Variants in CDKL2 observed in about 807,000 individuals in gnomAD.
CDKL2 encodes the protein cyclin-dependent kinase-like 2.
In CDKL2, 64 loss-of-function variants were observed where a neutral mutation model predicts 63.9. That is an observed-to-expected ratio of 1.00 (90% CI 0.82 to 1.23). CDKL2 has a LOEUF of 1.23. Ranked by LOEUF, CDKL2 falls within the 50% of genes most tolerant of loss-of-function variation. CDKL2 has a pLI of 0.00. For missense variants in CDKL2, 656 were observed against 668.0 expected (o/e 0.98, Z 0.20); for synonymous variants, 211 against 229.2 (o/e 0.92, Z 0.72).
At chr4:75,623,243 C>T (rs1730249336) in intron 2 of CDKL2, among the ~76,000 whole-genome samples, 1 of 152,078 alleles carries the variant, frequency 6.6e-6, no homozygotes, top group South Asian at 2.1e-4. Context: ...CATGCCACTG[C>T]ACTGCAGCCC....
chr4:75,589,869 C>T (rs1296042042), intron 12 of CDKL2, among the ~76,000 whole-genome samples: 1 of 152,046 alleles, frequency 6.6e-6, no homozygotes, highest in African/African-American at 2.4e-5. Flanking sequence ...GTAGTCCCAG[C>T]TCCTTGGGAG....
chr4:75,593,939 G>C (rs567466430), intron 10 of CDKL2, among the ~76,000 whole-genome samples: 380 of 152,026 alleles, frequency 2.5e-3, no homozygotes, highest in Non-Finnish European at 4.6e-3. Flanking sequence ...GTTGTGAAAA[G>C]CATTCATTCA....
chr4:75,628,439 T>C (rs1730534844), intron 1 of CDKL2, among the ~76,000 whole-genome samples: 1 of 152,184 alleles, frequency 6.6e-6, no homozygotes, highest in African/African-American at 2.4e-5. Flanking sequence ...TCATATTATA[T>C]GACATTTTCT....
chr4:75,608,826 T>C (rs1384470921), intron 3 of CDKL2, among the ~76,000 whole-genome samples: 1 of 151,910 alleles, frequency 6.6e-6, no homozygotes, highest in African/African-American at 2.4e-5. Flanking sequence ...AAACCTTGTC[T>C]TTACTAAAAT....
intron 10 of CDKL2, among the ~76,000 whole-genome samples, chr4:75,592,498 G>C (rs1419595832): frequency 1.3e-5 from 2 of 152,126 alleles, no homozygotes; most frequent in African/African-American, 4.8e-5. Context: ...AGTGCTATGA[G>C]TTTCTCCTTC....
In CDKL2 at chr4:75,602,875, G is replaced by A. The variant is rs547829850; in HGVS notation, c.795+942C>T. 1.6e-3 allele frequency among the ~76,000 whole-genome samples: 248 copies of A among 151,564 alleles called. 1 individual carries two copies. Among genetic ancestry groups the A allele is most frequent in the African/African-American group, 5.8e-3 (241 of 41,292 alleles). The stretch of plus-strand genomic sequence containing the variant: ...ATTTTCTTTTCCATTTAAACAAGGC[G>A]TGTATTTTAAATGTTAAACGTAAAA... On this transcript the variant is annotated intron_variant, in intron 6 of 13. Transcript: ENST00000307465.
At position 75,596,351 on chromosome 4, in the gene CDKL2, A is replaced by T. The variant is rs778889130; in HGVS notation, c.1323-11T>A. The T allele has an allele frequency of 7.2e-7, 1 of 1,388,436 alleles. No homozygotes were observed. The highest frequency in any genetic ancestry group is 1.0e-6 in the Non-Finnish European group (1 of 996,594). 86.0% of individuals were successfully genotyped at this position (1,388,436 alleles called of 1,614,324 possible). On this transcript the variant is annotated splice_polypyrimidine_tract_variant and intron_variant, in intron 9 of 13. Coordinates refer to ENST00000307465, the MANE Select transcript of CDKL2 (RefSeq NM_001330724.2). ...GTTTTCTCATCCACTCTGTAACGAC[A>T]AAAAAAAATGTTTTTAAGTTAGAAC...
At chr4:75,621,308 A>AC (rs796968476) in intron 2 of CDKL2, among the ~76,000 whole-genome samples, 1,647 of 151,526 alleles carry the variant, frequency 0.011, 38 homozygotes, top group African/African-American at 0.038. Flanking sequence ...AAAAAAAAAA[A>AC]AAACCCACAC....
intron 7 of CDKL2, 36 bp downstream of exon 7, chr4:75,600,245 T>C: frequency 7.4e-7 from 1 of 1,352,688 alleles, no homozygotes; most frequent in Non-Finnish European, 1.0e-6. Flanking sequence ...TAACCCTAGG[T>C]TGGTATGGCC....
At chr4:75,608,732 G>A (rs974038274) in intron 3 of CDKL2, among the ~76,000 whole-genome samples, 14 of 152,124 alleles carry the variant, frequency 9.2e-5, no homozygotes, top group Non-Finnish European at 1.5e-4. Context: ...AGTGGCTCAA[G>A]CCTGTAATCC....
At chr4:75,612,532 G>A (rs1481455530) in intron 3 of CDKL2, among the ~76,000 whole-genome samples, 5 of 152,166 alleles carry the variant, frequency 3.3e-5, no homozygotes, top group Non-Finnish European at 5.9e-5. Flanking sequence ...AGAGATGAAT[G>A]TAGGGCATTC....
intron 10 of CDKL2, among the ~76,000 whole-genome samples, chr4:75,595,706 T>G (rs946618154): frequency 6.6e-6 from 1 of 151,792 alleles, no homozygotes; most frequent in Admixed American, 6.6e-5. Context: ...CCAAGGCAGG[T>G]GGATCACGAG....
chr4:75,611,427 C>G (rs1729685244), intron 3 of CDKL2, among the ~76,000 whole-genome samples: 1 of 135,738 alleles, frequency 7.4e-6, no homozygotes, highest in Non-Finnish European at 1.5e-5. Flanking sequence ...CCACTGCACT[C>G]TAGCATGGGT....
At position 75,597,092 on chromosome 4, in the gene CDKL2, C is replaced by T. The variant is rs1004777015; in HGVS notation, c.1165G>A (p.Val389Met). 35 of 1,614,166 alleles carry T rather than the reference C, an allele frequency of 2.2e-5. No homozygotes were observed. The highest frequency in any genetic ancestry group is 3.0e-5 in the Non-Finnish European group (35 of 1,180,024). ...CAGTCTTTGAGGCTTGTTGAAGGCA[C>T]TATTTTGTTGTGGCTTGTCCTACTG... ...HDSRTSHNKI[V>M]PSTSLKDCSN... Residue 389 changes from valine (V) to methionine (M), a missense_variant, in exon 9 of 14, where the codon GTG (valine) becomes ATG (methionine). By Grantham distance (21) the Val-to-Met change is conservative (BLOSUM62 1). Transcript: ENST00000307465.
intron 3 of CDKL2, 69 bp from the exon 4 acceptor site, chr4:75,607,430 G>T: frequency 1.6e-6 from 2 of 1,236,890 alleles, no homozygotes; most frequent in Non-Finnish European, 1.1e-6. Flanking sequence ...GCTATGTGCA[G>T]GGCATTGTAT....
At chr4:75,627,572 G>A (rs572703069) in intron 1 of CDKL2, among the ~76,000 whole-genome samples, 49 of 152,052 alleles carry the variant, frequency 3.2e-4, no homozygotes, top group Middle Eastern at 6.8e-3. Context: ...CGCCCGGCCT[G>A]AATTTAGTTT....
At position 75,618,969 on chromosome 4, in the gene CDKL2, C is replaced by T. The variant is rs148220742; in HGVS notation, c.169-4520G>A. On this transcript the variant is annotated intron_variant, in intron 2 of 13. Transcript: ENST00000307465. Reference sequence around the variant, plus strand: ...ACTGGGAGCATCTCCATGTACCTGTCAGAAGCAAATGAATATCACCTCTGG... The same window carrying T: ...ACTGGGAGCATCTCCATGTACCTGTTAGAAGCAAATGAATATCACCTCTGG... Among the ~76,000 whole-genome samples, 30 of 152,328 alleles carry T rather than the reference C, an allele frequency of 2.0e-4. No individual in the cohort carries two copies. The East Asian group carries it at 5.4e-3, about 27-fold the overall frequency.
At chr4:75,611,906 G>A (rs147622587) in intron 3 of CDKL2, among the ~76,000 whole-genome samples, 1,790 of 151,874 alleles carry the variant, frequency 0.012, 38 homozygotes, top group African/African-American at 0.042. Flanking sequence ...CACCCGCCTC[G>A]GCCTCCCAAA....
chr4:75,613,837 C>G (rs1393803538), intron 3 of CDKL2, among the ~76,000 whole-genome samples: 3 of 152,174 alleles, frequency 2.0e-5, no homozygotes, highest in Admixed American at 1.3e-4. Flanking sequence ...AGGCAGATCA[C>G]CTGAGGTCAG....
Sources: allele counts gnomAD v4.1 joint callset (sites outside exome capture counted in the v4.1 genomes callset), GRCh38; gene constraint gnomAD v4.1.1; transcripts MANE v1.5; gene names NCBI Gene and HGNC (gene_info 2026-07-23, HGNC 2026-07-21).